Variants in BATF observed in about 807,000 individuals in gnomAD.
BATF encodes basic leucine zipper transcriptional factor ATF-like.
Under a neutral mutation model 13.7 loss-of-function variants are expected in BATF, and 5 were observed. The observed-to-expected ratio is 0.36, with a 90% CI of 0.19 to 0.77. The LOEUF is 0.77. Among genes scored for constraint, BATF ranks in the 30% least tolerant of loss-of-function variants. BATF has a pLI of 0.51. For missense variants in BATF, 124 were observed against 163.0 expected, an observed-to-expected ratio of 0.76 and a Z score of 1.30; for synonymous variants, 72 against 67.5, an observed-to-expected ratio of 1.07 and a Z score of -0.33.
chr14:75,527,292 T>A (rs1322315206), intron 2 of BATF, among the ~76,000 whole-genome samples: 1 of 152,174 alleles, frequency 6.6e-6, no homozygotes, highest in Non-Finnish European at 1.5e-5. Context: ...ATACATTTTG[T>A]GTATATTTAA....
chr14:75,525,871 C>T (rs1019383997), intron 2 of BATF, among the ~76,000 whole-genome samples: 7 of 152,150 alleles, frequency 4.6e-5, no homozygotes, highest in African/African-American at 1.7e-4. Context: ...TTGGCAGAGA[C>T]CCAAATGCCC....
chr14:75,537,387 G>T (rs1027860615), intron 2 of BATF, among the ~76,000 whole-genome samples: 1 of 152,152 alleles, frequency 6.6e-6, no homozygotes, highest in Non-Finnish European at 1.5e-5. Context: ...GATTTACTCA[G>T]CTGACCCTTC....
chr14:75,539,867 G>A (rs1009470567), intron 2 of BATF, among the ~76,000 whole-genome samples: 9 of 152,034 alleles, frequency 5.9e-5, no homozygotes, highest in Non-Finnish European at 8.8e-5. Flanking sequence ...GGGAAGAGTC[G>A]TACTTTTCAG....
intron 2 of BATF, among the ~76,000 whole-genome samples, chr14:75,544,702 A>G (rs1887955863): frequency 6.6e-6 from 1 of 151,908 alleles, no homozygotes; most frequent in African/African-American, 2.4e-5. Context: ...TTCTCATGAT[A>G]TGGCAAGTTT....
intron 2 of BATF, among the ~76,000 whole-genome samples, chr14:75,539,619 C>T (rs889083934): frequency 6.6e-6 from 1 of 151,798 alleles, no homozygotes; most frequent in Non-Finnish European, 1.5e-5. Context: ...TAGACAGGTC[C>T]CTGAGGGCAC....
In BATF at chr14:75,545,709, C is replaced by T. The variant is rs538071558; in HGVS notation, c.169-753C>T. On this transcript the variant is annotated intron_variant, in intron 2 of 2. Transcript: ENST00000286639. ...TAAGACGTTCTCACAAACGACCTTC[C>T]ATTTCCTTAGGCTCTGGCCTGCCAG... is the stretch of plus-strand genomic sequence containing the variant. 2.6e-5 allele frequency among the ~76,000 whole-genome samples: 4 copies of T among 152,184 alleles called. No homozygotes were observed. In the South Asian group the frequency reaches 8.3e-4, roughly 32 times the overall value.
At chr14:75,530,987 AT>A (rs1298548591) in intron 2 of BATF, among the ~76,000 whole-genome samples, 2 of 152,164 alleles carry the variant, frequency 1.3e-5, no homozygotes, top group Non-Finnish European at 2.9e-5. Context: ...ACAGTTTGGG[AT>A]TTTTTATCAC....
chr14:75,534,807 G>A (rs1388062405), intron 2 of BATF, among the ~76,000 whole-genome samples: 1 of 152,210 alleles, frequency 6.6e-6, no homozygotes, highest in Non-Finnish European at 1.5e-5. Context: ...TCAGGACTGG[G>A]AAGATTGAAT....
intron 1 of BATF, among the ~76,000 whole-genome samples, chr14:75,523,383 G>A (rs978631077): frequency 1.3e-5 from 2 of 152,160 alleles, no homozygotes; most frequent in Admixed American, 6.5e-5. Context: ...CTGGATAGGA[G>A]CAAGGAAATG....
chr14:75,536,722 T>TTAAAATAAAATAAAATAAAATAAAA (rs56280822), intron 2 of BATF, among the ~76,000 whole-genome samples: 7,954 of 125,690 alleles, frequency 0.063, 420 homozygotes, highest in Non-Finnish European at 0.086. Flanking sequence ...GATCCTGTCT[T>TTAAAATAAAATAAAATAAAATAAAA]TAAAATAAAA....
chr14:75,545,529 C>T (rs187425111), intron 2 of BATF, among the ~76,000 whole-genome samples: 1 of 152,076 alleles, frequency 6.6e-6, no homozygotes, highest in African/African-American at 2.4e-5. Flanking sequence ...GCCACCGCAC[C>T]TGGCCCCATT....
intron 1 of BATF, among the ~76,000 whole-genome samples, chr14:75,524,354 G>C (rs1253962527): frequency 1.3e-5 from 2 of 152,222 alleles, no homozygotes; most frequent in African/African-American, 2.4e-5. Flanking sequence ...TGGGGCCATG[G>C]GGAATGTCAC....
At chr14:75,535,283 G>C (rs1219555833) in intron 2 of BATF, among the ~76,000 whole-genome samples, 6 of 152,106 alleles carry the variant, frequency 3.9e-5, no homozygotes, top group Non-Finnish European at 8.8e-5. Flanking sequence ...GCCAGGCGTG[G>C]TAGCTTGCAC....
chr14:75,539,104 C>T (rs1887859425), intron 2 of BATF, among the ~76,000 whole-genome samples: 1 of 152,212 alleles, frequency 6.6e-6, no homozygotes, highest in Non-Finnish European at 1.5e-5. Flanking sequence ...AAATCATGGC[C>T]TACTTTTCTC....
intron 2 of BATF, among the ~76,000 whole-genome samples, chr14:75,533,637 G>A (rs1255516436): frequency 6.6e-6 from 1 of 152,090 alleles, no homozygotes; most frequent in Non-Finnish European, 1.5e-5. Flanking sequence ...TTTGAACTTA[G>A]TCTAGTCCCC....
At chr14:75,524,872 G>A (rs1370712938) in intron 1 of BATF, among the ~76,000 whole-genome samples, 1 of 151,418 alleles carries the variant, frequency 6.6e-6, no homozygotes, top group Non-Finnish European at 1.5e-5. Flanking sequence ...GTAGCTATTG[G>A]TCAAAAAAGT....
At chr14:75,532,168 C>G (rs570173590) in intron 2 of BATF, among the ~76,000 whole-genome samples, 1 of 152,326 alleles carries the variant, frequency 6.6e-6, no homozygotes, top group Admixed American at 6.5e-5. Context: ...CTAGGTCTGT[C>G]TGACGTCAGA....
chr14:75,525,091 C>T lies in BATF; in HGVS notation c.71C>T (p.Ser24Phe), dbSNP rs762940793. ...CCCGTCTCTGCTTCCCAGGACTCAT[C>T]TGATGATGTGAGAAGAGTTCAGAGG... ...RSPPPGKQDS[S>F]DDVRRVQRRE... is the part of the protein sequence containing the mutation. The change falls in exon 2 of 3, where the codon TCT becomes TTT. Residue 24 changes from serine (S) to phenylalanine (F), a missense_variant. Ser to Phe is a radical substitution (Grantham distance 155, BLOSUM62 -2). This residue lies in a region of BATF where 65 missense variants were observed against 113.3 expected (regional missense o/e 0.57). Coordinates refer to ENST00000286639, the MANE Select transcript of BATF (RefSeq NM_006399.5). The T allele has an allele frequency of 6.2e-7, 1 of 1,612,990 alleles. No individual in the cohort carries two copies. Among genetic ancestry groups the T allele is most frequent in the Non-Finnish European group, 8.5e-7 (1 of 1,179,508 alleles).
intron 2 of BATF, among the ~76,000 whole-genome samples, chr14:75,536,101 C>A (rs543448240): frequency 1.3e-5 from 2 of 152,166 alleles, no homozygotes; most frequent in Non-Finnish European, 1.5e-5. Context: ...ATTTCACGAA[C>A]CTTACAGTCA....
Sources: allele counts gnomAD v4.1 joint callset (sites outside exome capture counted in the v4.1 genomes callset), GRCh38; gene constraint gnomAD v4.1.1; regional missense constraint gnomAD v4.1.1; transcripts MANE v1.5; gene names NCBI Gene and HGNC (gene_info 2026-07-23, HGNC 2026-07-21).